Variants in DACT2 observed in about 807,000 individuals in gnomAD.
DACT2 encodes the protein dishevelled binding antagonist of beta catenin 2, also known as dapper homolog 2.
Under a neutral mutation model 22.2 loss-of-function variants are expected in DACT2, and 20 were observed. That is an observed-to-expected ratio of 0.90 (90% CI 0.63 to 1.31). DACT2 has a LOEUF of 1.31. DACT2 is among the 50% of genes most tolerant of loss of function. The probability of loss-of-function intolerance (pLI) is 0.00; values close to 1 mark genes in which losing one functional copy is unlikely to be tolerated. For synonymous variants in DACT2, 463 were observed against 479.8 expected (o/e 0.96, Z 0.46); for missense variants, 1,048 against 1,061.4 (o/e 0.99, Z 0.18).
At chr6:168,309,474 T>TGCGTGTAGACACAGGGTGCGGGGCCGA (rs1260903615) in intron 3 of DACT2, among the ~76,000 whole-genome samples, 1 of 152,224 alleles carries the variant, frequency 6.6e-6, no homozygotes. Context: ...CGGGGCCCTA[T>TGCGTGTAGACACAGGGTGCGGGGCCGA]TTGCGCCTGC....
At chr6:168,318,146 G>C (rs1367232204) in intron 1 of DACT2, among the ~76,000 whole-genome samples, 2 of 152,060 alleles carry the variant, frequency 1.3e-5, no homozygotes, top group East Asian at 3.9e-4. Context: ...AGGTCACACA[G>C]AGGCTGCGAT....
downstream of DACT2, among the ~76,000 whole-genome samples, chr6:168,303,523 C>T (rs1779146949): frequency 6.6e-6 from 1 of 152,218 alleles, no homozygotes. Flanking sequence ...TTTACACACG[C>T]CCGGTCCCCT....
At chr6:168,304,080 T>C (rs1405026705), downstream of DACT2, among the ~76,000 whole-genome samples, 1 of 152,206 alleles carries the variant, frequency 6.6e-6, no homozygotes, top group Non-Finnish European at 1.5e-5. Context: ...TTCTACATTG[T>C]CTACTTTTTA....
chr6:168,293,620 A>C, exon 6 of DACT2: 1 of 447,742 alleles, frequency 2.2e-6, no homozygotes, highest in South Asian at 2.9e-5. Context: ...AAGGATTGGA[A>C]TTTCCAGTCT....
At chr6:168,294,797 A>C (rs1171815025) in intron 3 of DACT2, 1 of 485,648 alleles carries the variant, frequency 2.1e-6, no homozygotes. Context: ...ATGATTCTGC[A>C]TGCAACTTAG....
Position 168,307,800 on chromosome 6 carries a change from G to C in DACT2, c.1957C>G (p.Gln653Glu), listed in dbSNP as rs1368156432. The C allele has an allele frequency of 6.5e-7, 1 of 1,542,544 alleles. No homozygotes were observed. The highest frequency in any genetic ancestry group is 1.2e-5 in the South Asian group (1 of 83,962). Residue 653 changes from glutamine to glutamate, a missense_variant, in exon 4 of 4, where the codon CAG becomes GAG. By Grantham distance (29) the Gln-to-Glu change is conservative. Coordinates refer to ENST00000366795, the MANE Select transcript of DACT2 (RefSeq NM_214462.5). This position sits in a 1 kb window ranked among gnomAD's most constrained non-coding sequence, Gnocchi z 5.3. ...GAGTCGCTCCTGGTGTAGGCGTCCTGGCGGACCAGTGAGGGACGGCCCCGG... is the reference window on the plus strand; with the variant it reads ...GAGTCGCTCCTGGTGTAGGCGTCCTCGCGGACCAGTGAGGGACGGCCCCGG... ...LARGRPSLVR[Q>E]DAYTRSDSEP...
chr6:168,309,407 A>AAGGCCGTTTGCGTGTAGACACAGGGTGCG (rs1779331512), intron 3 of DACT2, among the ~76,000 whole-genome samples: 1 of 66,704 alleles, frequency 1.5e-5, no homozygotes. Context: ...GACACCGCAC[A>AAGGCCGTTTGCGTGTAGACACAGGGTGCG]GGGCCGTTTG....
chr6:168,312,322 A>C (rs1779439254), intron 1 of DACT2, among the ~76,000 whole-genome samples: 1 of 151,952 alleles, frequency 6.6e-6, no homozygotes, highest in African/African-American at 2.4e-5. Flanking sequence ...TCAGCCGCCC[A>C]AGTATCCGGG....
At chr6:168,318,637 C>T (rs1779570709) in intron 1 of DACT2, among the ~76,000 whole-genome samples, 1 of 152,068 alleles carries the variant, frequency 6.6e-6, no homozygotes, top group African/African-American at 2.4e-5. Flanking sequence ...GTAAGTTTAA[C>T]AAAATCATAC....
chr6:168,310,293 G>A lies in DACT2; in HGVS notation c.533C>T (p.Ser178Leu), dbSNP rs1041123475. 15 of 1,551,402 alleles carry A rather than the reference G, an allele frequency of 9.7e-6. No homozygotes were observed. Among genetic ancestry groups the A allele is most frequent in the East Asian group, 7.3e-5 (3 of 40,908 alleles). Reference protein sequence around the residue: ...RPSMGDWRPRSVDETTVPAWR... With the variant: ...RPSMGDWRPRLVDETTVPAWR... Reference sequence around the variant, plus strand: ...CGCTGGCACAGTAGTCTCATCAACCGACCGGGGCCTCCAGTCCCCCATGCT... The same window carrying A: ...CGCTGGCACAGTAGTCTCATCAACCAACCGGGGCCTCCAGTCCCCCATGCT... Residue 178 changes from serine (S) to leucine (L), a missense_variant, in exon 3 of 4, where the codon TCG (serine) becomes TTG (leucine). Coordinates refer to ENST00000366795, the MANE Select transcript of DACT2 (RefSeq NM_214462.5).
intron 1 of DACT2, among the ~76,000 whole-genome samples, chr6:168,312,722 G>A (rs566114401): frequency 6.6e-6 from 1 of 152,312 alleles, no homozygotes; most frequent in African/African-American, 2.4e-5. Context: ...TTAAGAAAAT[G>A]ATTAATTATA....
At chr6:168,299,507 A>G (rs1435343046) in intron 3 of DACT2, 1 of 152,200 alleles carries the variant, frequency 6.6e-6, no homozygotes. Flanking sequence ...ATATAAATAA[A>G]ATTTAAATGG....
rs897008138 is a variant in DACT2 at position 168,319,766 on chromosome 6, G to T, written c.-133C>A. On this transcript the variant is annotated 5_prime_UTR_variant, in exon 1 of 4. Coordinates refer to ENST00000366795, the MANE Select transcript of DACT2 (RefSeq NM_214462.5). ...CCCCGGCTCCGCAGGTCGCCAAGGT[G>T]GGCTGGAATCTGTGGCCAGGCGCGG... 4.0e-5 allele frequency: 47 copies of T among 1,171,548 alleles called. No individual in the cohort carries two copies. In the East Asian group the frequency reaches 1.3e-3, roughly 32 times the overall value. The allele number at this position is 1,171,548 out of a possible 1,614,324, so 72.6% of individuals were successfully genotyped here.
intron 1 of DACT2, among the ~76,000 whole-genome samples, chr6:168,315,642 C>T (rs889800269): frequency 6.6e-6 from 1 of 152,240 alleles, no homozygotes; most frequent in Non-Finnish European, 1.5e-5. Context: ...TAAAACGCTG[C>T]AGCACATTGC....
chr6:168,312,515 A>C (rs988482442), intron 1 of DACT2, among the ~76,000 whole-genome samples: 1 of 152,200 alleles, frequency 6.6e-6, no homozygotes, highest in Non-Finnish European at 1.5e-5. Flanking sequence ...AGAAGTTTCC[A>C]TCACAGCCCT....
downstream of DACT2, among the ~76,000 whole-genome samples, chr6:168,305,365 G>GGGCACTC (rs1779183322): frequency 6.6e-6 from 1 of 152,102 alleles, no homozygotes; most frequent in African/African-American, 2.4e-5. Context: ...GACGGGCACT[G>GGGCACTC]TCAGAAAACC....
At chr6:168,294,838 C>T in intron 3 of DACT2, 1 of 389,008 alleles carries the variant, frequency 2.6e-6, no homozygotes, top group Non-Finnish European at 4.5e-6. Flanking sequence ...AGTATAAAGA[C>T]AAACAACAGA....
At position 168,308,705 on chromosome 6, in the gene DACT2, T is replaced by A. The variant is rs6925614; in HGVS notation, c.1052A>T (p.Glu351Val). ...WGRETPAKGS[E>V]GEQGPLRHAA... is the part of the protein sequence containing the mutation. ...ATGCCTTAGAGGTCCCTGTTCTCCC[T>A]CGCTACCCTTTGCTGGGGTCTCCCG... The change falls in exon 4 of 4, where the codon GAG becomes GTG. Residue 351 changes from glutamate (E) to valine (V), a missense_variant. By Grantham distance (121) the Glu-to-Val change is moderately radical. Coordinates refer to ENST00000366795, the MANE Select transcript of DACT2 (RefSeq NM_214462.5). The A allele has an allele frequency of 6.5e-7, 1 of 1,548,404 alleles. No individual in the cohort carries two copies. The highest frequency in any genetic ancestry group is 2.0e-5 in the Admixed American group (1 of 50,992).
chr6:168,299,032 T>A (rs1171763756), intron 3 of DACT2: 4 of 152,218 alleles, frequency 2.6e-5, no homozygotes, highest in Admixed American at 6.5e-5. Flanking sequence ...CACTCACAAC[T>A]ATGCTATAAA....
Sources: allele counts gnomAD v4.1 joint callset (sites outside exome capture counted in the v4.1 genomes callset), GRCh38; gene constraint gnomAD v4.1.1; non-coding constraint Gnocchi (gnomAD v3.1); transcripts MANE v1.5; gene names NCBI Gene and HGNC (gene_info 2026-07-23, HGNC 2026-07-21).